Variants in LRMDA observed in about 807,000 individuals in gnomAD.
The protein encoded by LRMDA is leucine-rich melanocyte differentiation-associated protein.
Under a neutral mutation model 29.8 loss-of-function variants are expected in LRMDA, and 18 were observed. The observed-to-expected ratio is 0.60, with a 90% CI of 0.42 to 0.90. The LOEUF is 0.90. Ranked by LOEUF, LRMDA falls within the 40% of genes least tolerant of loss-of-function variation. LRMDA has a pLI of 0.00. For missense variants in LRMDA, 273 were observed against 273.9 expected (o/e 1.00, Z 0.02); for synonymous variants, 125 against 109.4 (o/e 1.14, Z -0.89).
Position 75,756,870 on chromosome 10 carries a change from A to G in LRMDA, c.132-279138A>G, listed in dbSNP as rs577584029. Among the ~76,000 whole-genome samples, 111 of 152,324 alleles carry G rather than the reference A, an allele frequency of 7.3e-4. 1 individual carries two copies. In the South Asian group the frequency reaches 0.023, roughly 31 times the overall value. On this transcript the variant is annotated intron_variant, in intron 2 of 6. Transcript: ENST00000611255. ...TTTTCTTCATCACTGTTGAATTGCC[A>G]CATTACTGATGATGACTCTGGAATC...
chr10:76,114,075 T>C (rs1654243393), intron 5 of LRMDA, among the ~76,000 whole-genome samples: 1 of 152,156 alleles, frequency 6.6e-6, no homozygotes, highest in Non-Finnish European at 1.5e-5. Flanking sequence ...TGGATTCCTT[T>C]CTCCCTGACA....
At chr10:75,981,249 G>T (rs1031155678) in intron 2 of LRMDA, among the ~76,000 whole-genome samples, 4 of 152,240 alleles carry the variant, frequency 2.6e-5, no homozygotes, top group South Asian at 4.1e-4. Context: ...AAGTCCATTT[G>T]TCTGACAATT....
rs570690937 is a variant in LRMDA, at chr10:75,682,677, T to G, written c.131+244183T>G. On this transcript the variant is annotated intron_variant, in intron 2 of 6. Coordinates refer to ENST00000611255, the MANE Select transcript of LRMDA (RefSeq NM_001305581.2). Reference sequence around the variant, plus strand: ...GCCTAGAAAGTGTTAGAGGTTAGATTTGAACCTTATGTGTCCAGTTGCAAG... The same window carrying G: ...GCCTAGAAAGTGTTAGAGGTTAGATGTGAACCTTATGTGTCCAGTTGCAAG... Among the ~76,000 whole-genome samples the G allele has an allele frequency of 3.3e-5, 5 of 152,284 alleles. No individual in the cohort carries two copies. In the South Asian group the frequency reaches 1.0e-3, roughly 32 times the overall value.
In LRMDA at chr10:76,541,414, T is replaced by C. The variant is rs183725213; in HGVS notation, c.602-15795T>C. Among the ~76,000 whole-genome samples, 318 of 152,224 alleles carry C rather than the reference T, an allele frequency of 2.1e-3. 1 individual carries two copies. The highest frequency in any genetic ancestry group is 7.5e-3 in the African/African-American group (310 of 41,534). On this transcript the variant is annotated intron_variant, in intron 6 of 6. Transcript: ENST00000611255. The stretch of plus-strand genomic sequence containing the variant: ...TACTTGGGAGGCCAAGGCAGGAGAA[T>C]CACTTGAACCCAGGAAGTGGAGGCT...
At chr10:76,035,882 G>T in intron 2 of LRMDA, 126 bp from the exon 3 acceptor site, 373 of 502,464 alleles carry the variant, frequency 7.4e-4, no homozygotes, top group South Asian at 3.5e-3. Flanking sequence ...CATTCACTTT[G>T]CTGACAGGCA....
chr10:75,924,283 C>T (rs551694132), intron 2 of LRMDA, among the ~76,000 whole-genome samples: 6 of 152,040 alleles, frequency 3.9e-5, no homozygotes, highest in Admixed American at 2.6e-4. Context: ...CATAATGTAC[C>T]GAAAAATTGG....
intron 6 of LRMDA, among the ~76,000 whole-genome samples, chr10:76,473,424 A>G (rs1440193217): frequency 6.6e-6 from 1 of 151,564 alleles, no homozygotes; most frequent in African/African-American, 2.4e-5. Context: ...ATGGGAAAAG[A>G]TTGAATGTTT....
chr10:76,213,674 T>G (rs1228053908), intron 5 of LRMDA, among the ~76,000 whole-genome samples: 2 of 152,202 alleles, frequency 1.3e-5, no homozygotes, highest in Non-Finnish European at 2.9e-5. Flanking sequence ...ATTCTTGAAA[T>G]AATATATTCG....
chr10:75,555,055 A>T (rs905864247), intron 2 of LRMDA, among the ~76,000 whole-genome samples: 1 of 152,144 alleles, frequency 6.6e-6, no homozygotes, highest in South Asian at 2.1e-4. Context: ...TTAAGCATCC[A>T]TGGGTATCTG....
At chr10:75,655,612 G>A (rs1841659887) in intron 2 of LRMDA, among the ~76,000 whole-genome samples, 1 of 152,202 alleles carries the variant, frequency 6.6e-6, no homozygotes. Context: ...TGATGTTGGA[G>A]TCAGTCACAA....
chr10:75,564,516 C>T (rs935108234), intron 2 of LRMDA, among the ~76,000 whole-genome samples: 10 of 152,380 alleles, frequency 6.6e-5, no homozygotes, highest in South Asian at 2.1e-4. Flanking sequence ...CCTGCTTCAG[C>T]GCGCGCATGG....
chr10:75,779,260 C>T (rs1459625854), intron 2 of LRMDA, among the ~76,000 whole-genome samples: 3 of 152,070 alleles, frequency 2.0e-5, no homozygotes, highest in Non-Finnish European at 4.4e-5. Context: ...TTATATTTGA[C>T]CCCTTTTGCC....
At chr10:75,876,945 A>C (rs1304545994) in intron 2 of LRMDA, among the ~76,000 whole-genome samples, 1 of 151,934 alleles carries the variant, frequency 6.6e-6, no homozygotes, top group Non-Finnish European at 1.5e-5. Context: ...GAGTGTGAAA[A>C]TTTGCTTTTC....
At chr10:76,209,816 A>G (rs1454257966) in intron 5 of LRMDA, among the ~76,000 whole-genome samples, 2 of 152,120 alleles carry the variant, frequency 1.3e-5, no homozygotes, top group African/African-American at 4.8e-5. Flanking sequence ...GCACCAGCAC[A>G]TGGGGACACT....
At chr10:76,517,717 T>G (rs2132357537) in intron 6 of LRMDA, among the ~76,000 whole-genome samples, 1 of 152,060 alleles carries the variant, frequency 6.6e-6, no homozygotes, top group East Asian at 1.9e-4. Context: ...TATTAAAACA[T>G]AATTTGTAGA....
chr10:75,912,398 G>A (rs1324019763), intron 2 of LRMDA, among the ~76,000 whole-genome samples: 1 of 152,172 alleles, frequency 6.6e-6, no homozygotes, highest in African/African-American at 2.4e-5. Flanking sequence ...AATCCAAATA[G>A]AAGGATCTTG....
chr10:76,424,250 T>G (rs1000251842), intron 6 of LRMDA, among the ~76,000 whole-genome samples: 12 of 152,230 alleles, frequency 7.9e-5, no homozygotes, highest in Admixed American at 7.2e-4. Context: ...GGATTTTCCC[T>G]TTACAGTTGA....
rs151313595 is a variant in LRMDA, at chr10:75,548,712, A to G, written c.131+110218A>G. Reference sequence around the variant, plus strand: ...TTCCTTCATGTTATTGAAATATGTAATATTTCTTATCTCTTTGATCTCTGG... The same window carrying G: ...TTCCTTCATGTTATTGAAATATGTAGTATTTCTTATCTCTTTGATCTCTGG... On this transcript the variant is annotated intron_variant, in intron 2 of 6. Transcript: ENST00000611255. 2.8e-3 allele frequency among the ~76,000 whole-genome samples: 428 copies of G among 152,184 alleles called. 6 individuals carry two copies. Among genetic ancestry groups the G allele is most frequent in the African/African-American group, 0.01 (416 of 41,530 alleles).
intron 5 of LRMDA, among the ~76,000 whole-genome samples, chr10:76,167,887 C>G (rs188658877): frequency 6.6e-6 from 1 of 152,250 alleles, no homozygotes; most frequent in Non-Finnish European, 1.5e-5. Context: ...CATCCATGAG[C>G]ATGGAATGTT....
Sources: gnomAD v4.1 joint callset for allele counts (sites outside exome capture counted in the v4.1 genomes callset) on GRCh38, gnomAD v4.1.1 for gene constraint, MANE v1.5 for transcripts, NCBI Gene and HGNC (gene_info 2026-07-23, HGNC 2026-07-21) for gene names.